PDE4D: variants seen among roughly 807,000 people sequenced by gnomAD.
PDE4D encodes the protein 3',5'-cyclic-AMP phosphodiesterase 4D.
PDE4D carries 24 observed loss-of-function variants against 87.4 expected under a neutral mutation model. That is an observed-to-expected ratio of 0.27 (90% CI 0.20 to 0.39). PDE4D has a LOEUF of 0.39. Among genes scored for constraint, PDE4D ranks in the 10% least tolerant of loss-of-function variants. PDE4D has a pLI of 1.00. For synonymous variants in PDE4D, 384 were observed against 383.2 expected (o/e 1.00, Z -0.02); for missense variants, 714 against 1,041.0 (o/e 0.69, Z 4.32).
At chr5:60,352,528 G>A (rs774541557) in intron 1 of PDE4D, among the ~76,000 whole-genome samples, 1 of 152,188 alleles carries the variant, frequency 6.6e-6, no homozygotes, top group African/African-American at 2.4e-5. Flanking sequence ...CACTGCTTTG[G>A]CCTCTAATTG....
intron 1 of PDE4D, among the ~76,000 whole-genome samples, chr5:60,235,500 C>T (rs1264816349): frequency 6.6e-6 from 1 of 151,870 alleles, no homozygotes; most frequent in Non-Finnish European, 1.5e-5. Flanking sequence ...AGTGTCTCAT[C>T]TTTAGGCTGT....
intron 5 of PDE4D, among the ~76,000 whole-genome samples, chr5:59,127,260 T>A (rs2153449047): frequency 6.6e-6 from 1 of 152,332 alleles, no homozygotes; most frequent in Non-Finnish European, 1.5e-5. Flanking sequence ...TCCTCCCTTG[T>A]AATCTCTTCA....
chr5:59,312,036 T>C (rs1772776269), intron 1 of PDE4D, among the ~76,000 whole-genome samples: 1 of 152,136 alleles, frequency 6.6e-6, no homozygotes, highest in Non-Finnish European at 1.5e-5. Flanking sequence ...ATCCTCCCCC[T>C]ATTTATCCCA....
chr5:60,075,442 T>C (rs959639701), intron 2 of PDE4D, among the ~76,000 whole-genome samples: 9 of 152,206 alleles, frequency 5.9e-5, no homozygotes, highest in Non-Finnish European at 1.2e-4. Flanking sequence ...CTTTAACATT[T>C]TTTCTATCAT....
At chr5:59,309,544 T>G (rs898052489) in intron 1 of PDE4D, among the ~76,000 whole-genome samples, 1 of 152,106 alleles carries the variant, frequency 6.6e-6, no homozygotes, top group Non-Finnish European at 1.5e-5. Context: ...CCAGTGGGGG[T>G]GTGTGTTCAG....
chr5:60,195,261 C>T lies in PDE4D; in HGVS notation c.-89-9574G>A, dbSNP rs867537586. ...TCCATAATGCCTCCTGAATGCCTCC[C>T]ACAGTATATTTGTCAAATTACATCA... On this transcript the variant is annotated intron_variant, in intron 1 of 16. Transcript: ENST00000502484. 1.7e-4 allele frequency among the ~76,000 whole-genome samples: 26 copies of T among 151,780 alleles called. 2 individuals carry two copies. Among genetic ancestry groups the T allele is most frequent in the Middle Eastern group, 6.8e-3 (2 of 294 alleles).
chr5:59,369,251 C>G (rs1378536947), intron 1 of PDE4D, among the ~76,000 whole-genome samples: 3 of 152,118 alleles, frequency 2.0e-5, no homozygotes, highest in Admixed American at 2.0e-4. Context: ...CTACACATAT[C>G]TAGTGCTTGT....
chr5:59,156,353 G>A (rs865807554), intron 5 of PDE4D, among the ~76,000 whole-genome samples: 14,230 of 142,880 alleles, frequency 0.1, 1,196 homozygotes, highest in South Asian at 0.15. Context: ...GTGTGTGTGT[G>A]TGTGTGTGTG....
chr5:59,407,063 G>T (rs1791803196), intron 1 of PDE4D, among the ~76,000 whole-genome samples: 1 of 152,198 alleles, frequency 6.6e-6, no homozygotes, highest in South Asian at 2.1e-4. Flanking sequence ...TCATTATAGG[G>T]TGGTGTTCCT....
intron 1 of PDE4D, among the ~76,000 whole-genome samples, chr5:59,699,823 A>T (rs1752304164): frequency 6.6e-6 from 1 of 152,176 alleles, no homozygotes; most frequent in African/African-American, 2.4e-5. Flanking sequence ...AAATCTTATC[A>T]AGGTCAGATT....
At chr5:59,111,703 A>G (rs1450174737) in intron 5 of PDE4D, among the ~76,000 whole-genome samples, 2 of 152,236 alleles carry the variant, frequency 1.3e-5, no homozygotes, top group Admixed American at 1.3e-4. Context: ...CCAAGACCAC[A>G]AAGCTTGAGG....
chr5:59,044,783 C>T (rs531204318), intron 5 of PDE4D, among the ~76,000 whole-genome samples: 5 of 152,284 alleles, frequency 3.3e-5, no homozygotes, highest in African/African-American at 1.2e-4. Context: ...TTATTTAGTA[C>T]TTCATAAAGC....
At chr5:59,282,257 A>G (rs1038737883) in intron 1 of PDE4D, among the ~76,000 whole-genome samples, 1 of 152,184 alleles carries the variant, frequency 6.6e-6, no homozygotes, top group Non-Finnish European at 1.5e-5. Context: ...TTCTTAAAAG[A>G]CTTTTGAAAG....
intron 1 of PDE4D, among the ~76,000 whole-genome samples, chr5:59,709,114 G>A (rs1753849059): frequency 6.6e-6 from 1 of 152,024 alleles, no homozygotes; most frequent in African/African-American, 2.4e-5. Flanking sequence ...GAGTTGCATG[G>A]AAGTAAAGGA....
chr5:60,284,349 A>C (rs944498937), intron 1 of PDE4D, among the ~76,000 whole-genome samples: 3 of 152,158 alleles, frequency 2.0e-5, no homozygotes, highest in Non-Finnish European at 2.9e-5. Flanking sequence ...CTGGGTAAAA[A>C]GTCCCTGAGA....
intron 2 of PDE4D, among the ~76,000 whole-genome samples, chr5:60,165,443 G>A (rs1280913703): frequency 6.6e-6 from 1 of 152,126 alleles, no homozygotes; most frequent in Non-Finnish European, 1.5e-5. Flanking sequence ...GTCAGGTAGT[G>A]TGATGCCTCC....
In PDE4D at chr5:60,207,209, G is replaced by A. The variant is rs567787467; in HGVS notation, c.-89-21522C>T. ...GGGGTGGCTAATAAGGAGGAAGGAA[G>A]AAAAGAAGAAGAGAAACTTCTTGAC... On this transcript the variant is annotated intron_variant, in intron 1 of 16. Transcript: ENST00000502484. Among the ~76,000 whole-genome samples, 23 of 152,238 alleles carry A rather than the reference G, an allele frequency of 1.5e-4. No individual in the cohort carries two copies. In the East Asian group the frequency reaches 4.4e-3, roughly 29 times the overall value.
intron 1 of PDE4D, among the ~76,000 whole-genome samples, chr5:60,369,640 T>C (rs956020035): frequency 1.3e-5 from 2 of 152,160 alleles, no homozygotes; most frequent in African/African-American, 4.8e-5. Flanking sequence ...AGGGACTTCC[T>C]TACCTTGCCT....
At chr5:59,426,817 T>C (rs1287042462) in intron 1 of PDE4D, among the ~76,000 whole-genome samples, 2 of 152,154 alleles carry the variant, frequency 1.3e-5, no homozygotes, top group Non-Finnish European at 2.9e-5. Flanking sequence ...TTTTACATTA[T>C]AGCAAGACAA....
Sources: allele counts gnomAD v4.1 joint callset (sites outside exome capture counted in the v4.1 genomes callset), GRCh38; gene constraint gnomAD v4.1.1; transcripts MANE v1.5; gene names NCBI Gene and HGNC (gene_info 2026-07-23, HGNC 2026-07-21).